The following CACNA1H variants were observed in gnomAD, a reference collection of about 807,000 sequenced individuals.
CACNA1H encodes the protein calcium voltage-gated channel subunit alpha1 H, also known as voltage-dependent T-type calcium channel subunit alpha-1H.
Under a neutral mutation model 192.5 loss-of-function variants are expected in CACNA1H, and 149 were observed. The ratio of observed to expected loss-of-function variants is 0.77; its 90% confidence interval spans 0.68 to 0.89. The LOEUF (loss-of-function observed/expected upper bound fraction) is 0.89, where lower values mean the gene tolerates loss of function less well. Among genes scored for constraint, CACNA1H ranks in the 40% least tolerant of loss-of-function variants. CACNA1H has a pLI of 0.00. For synonymous variants in CACNA1H, 2,202 were observed against 1,475.2 expected (o/e 1.49, Z -11.29); for missense variants, 4,257 against 3,423.5 (o/e 1.24, Z -6.08).
intron 24 of CACNA1H, 49 bp downstream of exon 24, chr16:1,211,854 G>A (rs373457660): frequency 5.7e-5 from 91 of 1,609,786 alleles, no homozygotes; most frequent in South Asian, 2.9e-4. Context: ...TCCCGCGAGC[G>A]GCTGCCTTGG....
chr16:1,181,406 G>A (rs540918850), intron 2 of CACNA1H, among the ~76,000 whole-genome samples: 6 of 152,256 alleles, frequency 3.9e-5, no homozygotes, highest in African/African-American at 9.6e-5. Flanking sequence ...TTTGACGCCC[G>A]CGTCGGCCAG....
intron 9 of CACNA1H, 70 bp downstream of exon 9, chr16:1,202,522 G>GGGAA: frequency 1.5e-6 from 2 of 1,345,144 alleles, no homozygotes; most frequent in Non-Finnish European, 2.0e-6. Flanking sequence ...TCTCCGGTGT[G>GGGAA]TCATTCCCAC....
intron 2 of CACNA1H, among the ~76,000 whole-genome samples, chr16:1,171,917 G>A (rs1422015290): frequency 1.3e-5 from 2 of 152,250 alleles, no homozygotes; most frequent in African/African-American, 2.4e-5. Context: ...CAGTGTCCAC[G>A]GGTGGGGGCA....
At chr16:1,200,046 C>T (rs372288227) in intron 6 of CACNA1H, among the ~76,000 whole-genome samples, 7 of 152,266 alleles carry the variant, frequency 4.6e-5, no homozygotes, top group South Asian at 2.1e-4. Context: ...TGACCCTGGT[C>T]CTGGCTGTGT....
chr16:1,166,337 G>C (rs1963771426), intron 2 of CACNA1H, among the ~76,000 whole-genome samples: 1 of 152,178 alleles, frequency 6.6e-6, no homozygotes, highest in Admixed American at 6.5e-5. Flanking sequence ...CGTGGCTCCA[G>C]GCCAAGTAAC....
intron 31 of CACNA1H, 107 bp downstream of exon 31, chr16:1,217,117 G>A (rs1970092136): frequency 2.1e-6 from 2 of 970,616 alleles, no homozygotes. Flanking sequence ...CGTGGGGCCT[G>A]ATCAGGGCCA....
chr16:1,189,844 C>G (rs1017564606), intron 2 of CACNA1H, among the ~76,000 whole-genome samples: 1 of 152,190 alleles, frequency 6.6e-6, no homozygotes, highest in Non-Finnish European at 1.5e-5. Context: ...CTGTTCAGGC[C>G]TCTCTCTGGG....
At chr16:1,183,206 G>T (rs1343833804) in intron 2 of CACNA1H, among the ~76,000 whole-genome samples, 2 of 152,148 alleles carry the variant, frequency 1.3e-5, no homozygotes, top group Non-Finnish European at 2.9e-5. Flanking sequence ...GAATCCTGGG[G>T]CTGCCCTCGG....
intron 2 of CACNA1H, among the ~76,000 whole-genome samples, chr16:1,158,967 C>T (rs949897836): frequency 3.3e-5 from 5 of 152,222 alleles, no homozygotes; most frequent in African/African-American, 1.2e-4. Flanking sequence ...TCGGGTTTCA[C>T]CGTCCGTCTG....
chr16:1,173,926 A>G (rs1033534827), intron 2 of CACNA1H, among the ~76,000 whole-genome samples: 5 of 151,832 alleles, frequency 3.3e-5, no homozygotes, highest in East Asian at 1.9e-4. Context: ...CTCACACCAC[A>G]TGGGAGTTGT....
In CACNA1H at chr16:1,210,133, C is replaced by T. The variant is rs775988507; in HGVS notation, c.3843C>T (p.Asn1281=). ...AWALYLFSPQ[N]RFRVSCQKVI... is the part of the protein sequence containing the mutation. ...CCCTCTACCTCTTCTCCCCACAGAA[C>T]CGGTGAGGCGGCCGGGTCAGGAGGC... The change falls in exon 18 of 35, where the codon AAC becomes AAT. Residue 1281 remains asparagine, a splice_region_variant and synonymous_variant. Transcript: ENST00000348261. 1 of 1,554,528 alleles carries T rather than the reference C, an allele frequency of 6.4e-7. No individual in the cohort carries two copies. Among genetic ancestry groups the T allele is most frequent in the Non-Finnish European group, 8.7e-7 (1 of 1,149,256 alleles).
Position 1,210,659 on chromosome 16 carries a change from G to A in CACNA1H, c.4038+8G>A, listed in dbSNP as rs555282047. The A allele has an allele frequency of 1.9e-4, 312 of 1,600,924 alleles. 5 individuals carry two copies. In the South Asian group the frequency reaches 3.2e-3, roughly 16 times the overall value. ...GCGGAGATGATGGTGAAGGTACCGC[G>A]GGGCCCGGGGACTGCCCTTGTTCCC... On this transcript the variant is annotated splice_region_variant and intron_variant, in intron 20 of 34. Coordinates refer to ENST00000348261, the MANE Select transcript of CACNA1H (RefSeq NM_021098.3).
chr16:1,188,996 C>T (rs984751728), intron 2 of CACNA1H, among the ~76,000 whole-genome samples: 1 of 151,966 alleles, frequency 6.6e-6, no homozygotes, highest in South Asian at 2.1e-4. Flanking sequence ...CCCCCAGGTC[C>T]TGAGAGCTGA....
intron 2 of CACNA1H, among the ~76,000 whole-genome samples, chr16:1,182,221 C>T (rs966452565): frequency 5.9e-5 from 9 of 152,142 alleles, no homozygotes; most frequent in East Asian, 1.9e-4. Flanking sequence ...GTGGAGGAGG[C>T]GGGCCTCAGC....
At chr16:1,165,706 G>T (rs1156703642) in intron 2 of CACNA1H, among the ~76,000 whole-genome samples, 2 of 152,210 alleles carry the variant, frequency 1.3e-5, no homozygotes, top group African/African-American at 4.8e-5. Flanking sequence ...ATGTAGAGGG[G>T]CTGCCTCCCT....
rs775960864 is a variant in CACNA1H at position 1,153,914 on chromosome 16, C to G, written c.177C>G (p.Gly59=). ...SPSESPAAER[G]AELGADEEQR... The stretch of plus-strand genomic sequence containing the variant: ...CCGAGAGCCCGGCGGCCGAGCGCGG[C>G]GCGGAGCTGGGTGCCGACGAGGAGC... The change falls in exon 2 of 35, where the codon GGC becomes GGG. Residue 59 remains glycine (G), a synonymous_variant. Coordinates refer to ENST00000348261, the MANE Select transcript of CACNA1H (RefSeq NM_021098.3). 6.9e-7 allele frequency: 1 copy of G among 1,454,976 alleles called. No individual in the cohort carries two copies. The highest frequency in any genetic ancestry group is 2.4e-5 in the Admixed American group (1 of 41,694). The allele number at this position is 1,454,976 out of a possible 1,614,324, so 90.1% of individuals were successfully genotyped here.
chr16:1,219,114 G>A lies in CACNA1H; in HGVS notation c.6032G>A (p.Arg2011Gln), dbSNP rs554063452. ...ACAGCCCGCTCCCCCAGTCTCAGCC[G>A]GCTGCTCTGCAGACAGGTAGGAGAA... Reference protein sequence around the residue: ...RGTARSPSLSRLLCRQEAVHT... With the variant: ...RGTARSPSLSQLLCRQEAVHT... Residue 2011 changes from arginine (R) to glutamine (Q), a missense_variant, in exon 34 of 35, where the codon CGG (arginine) becomes CAG (glutamine). Coordinates refer to ENST00000348261, the MANE Select transcript of CACNA1H (RefSeq NM_021098.3). 104 of 1,542,950 alleles carry A rather than the reference G, an allele frequency of 6.7e-5. 1 individual carries two copies. The highest frequency in any genetic ancestry group is 1.6e-4 in the Admixed American group (8 of 50,668).
At chr16:1,169,200 G>T (rs1018090212) in intron 2 of CACNA1H, among the ~76,000 whole-genome samples, 1 of 151,844 alleles carries the variant, frequency 6.6e-6, no homozygotes, top group African/African-American at 2.4e-5. Context: ...CTTGCTGGGG[G>T]TCTTAGCCTG....
intron 2 of CACNA1H, among the ~76,000 whole-genome samples, chr16:1,162,592 C>G (rs1370269021): frequency 6.7e-6 from 1 of 149,904 alleles, no homozygotes; most frequent in South Asian, 2.1e-4. Context: ...TCTCTGTGCC[C>G]TGGTTAGAAG....
Sources: allele counts gnomAD v4.1 joint callset (sites outside exome capture counted in the v4.1 genomes callset), GRCh38; gene constraint gnomAD v4.1.1; transcripts MANE v1.5; gene names NCBI Gene and HGNC (gene_info 2026-07-23, HGNC 2026-07-21).